PABPC4: variants seen among roughly 807,000 people sequenced by gnomAD.
PABPC4 encodes the protein polyadenylate-binding protein 4.
A neutral mutation model predicts 74.5 loss-of-function variants in PABPC4; 15 were observed. That is an observed-to-expected ratio of 0.20 (90% confidence interval 0.13 to 0.31). PABPC4 has a LOEUF of 0.31. Among genes scored for constraint, PABPC4 ranks in the 10% least tolerant of loss-of-function variants. The pLI is 1.00. For synonymous variants in PABPC4, 345 were observed against 303.0 expected (o/e 1.14, Z -1.44); for missense variants, 610 against 853.5 (o/e 0.71, Z 3.55).
intron 5 of PABPC4, among the ~76,000 whole-genome samples, 194 bp from the exon 6 acceptor site, chr1:39,569,133 G>A (rs1241264411): frequency 2.6e-5 from 4 of 152,182 alleles, no homozygotes; most frequent in Non-Finnish European, 2.9e-5. Flanking sequence ...TATTGATCCA[G>A]ATAATATAGA....
At chr1:39,565,399 C>A in intron 7 of PABPC4, 21 bp from the exon 8 acceptor site, 1 of 1,598,222 alleles carries the variant, frequency 6.3e-7, no homozygotes, top group Admixed American at 1.7e-5. Flanking sequence ...AGACCAGCTA[C>A]TTAAGAAATA....
Position 39,561,713 on chromosome 1 carries a change from A to G in PABPC4, c.1968T>C (p.Ala656=). Residue 656 remains alanine (A), a synonymous_variant, in exon 15 of 16, where the codon GCT becomes GCC. Coordinates refer to ENST00000372858, the MANE Select transcript of PABPC4 (RefSeq NM_001135653.2). ...TTTTCCTTGTCTAAGAGGTAGCAGCAGCAACAGCGCCCACCTTCTGGGCAG... is the reference window on the plus strand; with the variant it reads ...TTTTCCTTGTCTAAGAGGTAGCAGCGGCAACAGCGCCCACCTTCTGGGCAG... ...KEAAQKVGAV[A]AATS is the part of the protein sequence containing the mutation. The G allele has an allele frequency of 6.2e-7, 1 of 1,613,316 alleles. No homozygotes were observed. The highest frequency in any genetic ancestry group is 8.5e-7 in the Non-Finnish European group (1 of 1,179,806).
intron 2 of PABPC4, 42 bp downstream of exon 2, chr1:39,572,351 A>C (rs376235554): frequency 1.3e-4 from 177 of 1,393,760 alleles, no homozygotes; most frequent in Non-Finnish European, 1.7e-4. Context: ...GTTTTCAAGA[A>C]TCAATTAATT....
intron 7 of PABPC4, 136 bp downstream of exon 7, chr1:39,567,615 G>A (rs892091449): frequency 2.9e-6 from 2 of 699,606 alleles, no homozygotes; most frequent in African/African-American, 3.5e-5. Context: ...AATGCATCCA[G>A]AAATTTTGCT....
rs746962000 is a variant in PABPC4, at chr1:39,568,979, G to A, written c.739-40C>T. On this transcript the variant is annotated intron_variant, in intron 5 of 15. Transcript: ENST00000372858. ...TATGTCTTTAAAATAAAGTTGCAGC[G>A]ATGGGGTCTTATTCTGGAGGTCTAA... 4.3e-5 allele frequency: 69 copies of A among 1,588,872 alleles called. No homozygotes were observed. The East Asian group carries it at 6.3e-4, about 15-fold the overall frequency.
intron 1 of PABPC4, among the ~76,000 whole-genome samples, chr1:39,574,344 C>G (rs1368365709): frequency 6.6e-6 from 1 of 152,182 alleles, no homozygotes; most frequent in Non-Finnish European, 1.5e-5. Flanking sequence ...AACAGCTCCT[C>G]GTCTATTTCC....
Position 39,576,545 on chromosome 1 carries a change from G to A in PABPC4, c.-594C>T, listed in dbSNP as rs1452667789. 1.3e-5 allele frequency: 2 copies of A among 149,976 alleles called. No homozygotes were observed. The highest frequency in any genetic ancestry group is 4.9e-5 in the African/African-American group (2 of 41,092). 9.3% of individuals were successfully genotyped at this position (149,976 alleles called of 1,614,324 possible). A position where few individuals can be genotyped will look rare whatever the true frequency, so the allele number is the denominator to read the frequency against. On this transcript the variant is annotated 5_prime_UTR_variant, in exon 1 of 16. Coordinates refer to ENST00000372858, the MANE Select transcript of PABPC4 (RefSeq NM_001135653.2). Reference sequence around the variant, plus strand: ...GGAGGGCACGGCGGGCCGGGCGGGCGGCTCACCCCCGGACCGACGGACGGA... The same window carrying A: ...GGAGGGCACGGCGGGCCGGGCGGGCAGCTCACCCCCGGACCGACGGACGGA...
chr1:39,572,377 T>C lies in PABPC4; in HGVS notation c.387+16A>G. Reference sequence around the variant, plus strand: ...TCAATTAATTATTCTGCTAAAATCATTTAATCAATGTTTACCTTGCAGGAC... The same window carrying C: ...TCAATTAATTATTCTGCTAAAATCACTTAATCAATGTTTACCTTGCAGGAC... On this transcript the variant is annotated intron_variant, in intron 2 of 15. Transcript: ENST00000372858. The C allele has an allele frequency of 6.4e-7, 1 of 1,552,602 alleles. No homozygotes were observed. Among genetic ancestry groups the C allele is most frequent in the Non-Finnish European group, 8.9e-7 (1 of 1,127,204 alleles).
At chr1:39,571,019 C>A in intron 3 of PABPC4, 1 of 1,412,128 alleles carries the variant, frequency 7.1e-7, no homozygotes. Context: ...GGAGAGGCGG[C>A]AGGCAGGCCA....
chr1:39,568,994 T>C, intron 5 of PABPC4, 55 bp from the exon 6 acceptor site: 1 of 1,564,248 alleles, frequency 6.4e-7, no homozygotes, highest in Non-Finnish European at 8.6e-7. Flanking sequence ...GGTCTTATTC[T>C]GGAGGTCTAA....
At chr1:39,574,740 T>G (rs1250700419) in intron 1 of PABPC4, among the ~76,000 whole-genome samples, 2 of 152,260 alleles carry the variant, frequency 1.3e-5, no homozygotes, top group Admixed American at 6.5e-5. Flanking sequence ...ACTAGGGACC[T>G]GGAGATGCTT....
intron 1 of PABPC4, among the ~76,000 whole-genome samples, chr1:39,574,010 G>A (rs981240059): frequency 2.6e-5 from 4 of 152,182 alleles, no homozygotes; most frequent in Non-Finnish European, 4.4e-5. Flanking sequence ...CAGGGTCAGA[G>A]CAGTGGAACC....
chr1:39,563,711 G>A lies in PABPC4; in HGVS notation c.1571C>T (p.Pro524Leu). 1 of 1,614,268 alleles carries A rather than the reference G, an allele frequency of 6.2e-7. No individual in the cohort carries two copies. Among genetic ancestry groups the A allele is most frequent in the South Asian group, 1.1e-5 (1 of 91,084 alleles). Residue 524 changes from proline (P) to leucine (L), a missense_variant, in exon 12 of 16, where the codon CCA becomes CTA. By Grantham distance (98) the Pro-to-Leu change is moderately conservative. Transcript: ENST00000372858. Reference sequence around the variant, plus strand: ...AGCAGCAGCAGCAACAGCAGCGCGTGGCGCTAAGTTCTGCACAGCTGTGGG... The same window carrying A: ...AGCAGCAGCAGCAACAGCAGCGCGTAGCGCTAAGTTCTGCACAGCTGTGGG... ...GVPTAVQNLA[P>L]RAAVAAAAPR...
rs369911540 is a variant in PABPC4 at position 39,562,082 on chromosome 1, G to A, written c.1884C>T (p.Leu628=). 1.9e-5 allele frequency: 31 copies of A among 1,612,926 alleles called. No individual in the cohort carries two copies. Among genetic ancestry groups the A allele is most frequent in the Non-Finnish European group, 2.6e-5 (31 of 1,179,970 alleles). The change falls in exon 14 of 16, where the codon CTC becomes CTT. Residue 628 remains leucine (L), a synonymous_variant. Coordinates refer to ENST00000372858, the MANE Select transcript of PABPC4 (RefSeq NM_001135653.2). The part of the protein sequence containing the change: ...LLHMLESPES[L]RSKVDEAVAV... ...CTGAGCCCCAGCTCACCTTGGAGCG[G>A]AGAGACTCGGGGGACTCTAACATGT...
rs1645803991 is a variant in PABPC4 at position 39,564,367 on chromosome 1, T to C, written c.1453+56A>G. 5.0e-6 allele frequency: 8 copies of C among 1,595,684 alleles called. No individual in the cohort carries two copies. In the South Asian group the frequency reaches 6.8e-5, roughly 13 times the overall value. On this transcript the variant is annotated intron_variant, in intron 10 of 15. Coordinates refer to ENST00000372858, the MANE Select transcript of PABPC4 (RefSeq NM_001135653.2). ...AAACTGACCAACCCAGGACAGAGCCTAGTCATCCTGACTCCCTCCTCCCCA... is the reference window on the plus strand; with the variant it reads ...AAACTGACCAACCCAGGACAGAGCCCAGTCATCCTGACTCCCTCCTCCCCA...
In PABPC4 at chr1:39,576,496, G is replaced by GCGGGGCT. The variant is rs1255657466; in HGVS notation, c.-552_-546dup. ...TGGTGCGCCGGGGCAGGCGCGGGGCGCGGGGCTCGGGGCCCGAGCGGGGGG... is the reference window on the plus strand; with the variant it reads ...TGGTGCGCCGGGGCAGGCGCGGGGCGCGGGGCTCGGGGCTCGGGGCCCGAGCGGGGGG... On this transcript the variant is annotated 5_prime_UTR_variant, in exon 1 of 16. Coordinates refer to ENST00000372858, the MANE Select transcript of PABPC4 (RefSeq NM_001135653.2). 4 of 150,388 alleles carry GCGGGGCT rather than the reference G, an allele frequency of 2.7e-5. No individual in the cohort carries two copies. Among genetic ancestry groups the GCGGGGCT allele is most frequent in the Admixed American group, 1.3e-4 (2 of 15,050 alleles). The allele number at this position is 150,388 out of a possible 1,614,324, so 9.3% of individuals were successfully genotyped here.
In PABPC4 at chr1:39,567,919, G is replaced by A. The variant is rs1401201487; in HGVS notation, c.877-73C>T. ...TCCCTAAGAAAGTGGTTCCCCAAGGGTGGCCCCAGACCAGGAGCACCAGCA... is the reference window on the plus strand; with the variant it reads ...TCCCTAAGAAAGTGGTTCCCCAAGGATGGCCCCAGACCAGGAGCACCAGCA... On this transcript the variant is annotated intron_variant, in intron 6 of 15. Coordinates refer to ENST00000372858, the MANE Select transcript of PABPC4 (RefSeq NM_001135653.2). 28 of 846,046 alleles carry A rather than the reference G, an allele frequency of 3.3e-5. No individual in the cohort carries two copies. The Admixed American group carries it at 6.1e-4, about 18-fold the overall frequency. 52.4% of individuals were successfully genotyped at this position (846,046 alleles called of 1,614,324 possible). A position where few individuals can be genotyped will look rare whatever the true frequency, so the allele number is the denominator to read the frequency against.
chr1:39,571,780 G>A, intron 2 of PABPC4: 1 of 360,226 alleles, frequency 2.8e-6, no homozygotes, highest in Non-Finnish European at 5.5e-6. Flanking sequence ...GGCTGAGGTG[G>A]GAGGATGGCT....
chr1:39,563,140 TAG>T, intron 12 of PABPC4: 1 of 168,988 alleles, frequency 5.9e-6, no homozygotes, highest in Admixed American at 5.9e-5. Flanking sequence ...AGCACAGGTC[TAG>T]AGACAGCAAG....
Sources: allele counts gnomAD v4.1 joint callset (sites outside exome capture counted in the v4.1 genomes callset), GRCh38; gene constraint gnomAD v4.1.1; transcripts MANE v1.5; gene names NCBI Gene and HGNC (gene_info 2026-07-23, HGNC 2026-07-21).